ANO3: variants seen among roughly 807,000 people sequenced by gnomAD.
The protein encoded by ANO3 is anoctamin-3.
In ANO3, 99 loss-of-function variants were observed where a neutral mutation model predicts 144.8. The observed-to-expected ratio is 0.68, with a 90% CI of 0.58 to 0.81. The LOEUF (loss-of-function observed/expected upper bound fraction) is 0.81. ANO3 is among the 30% of genes least tolerant of loss of function. The probability of loss-of-function intolerance (pLI) is 0.00; values close to 1 mark genes in which losing one functional copy is unlikely to be tolerated. For missense variants in ANO3, 905 were observed against 1,202.2 expected (o/e 0.75, Z 3.66); for synonymous variants, 414 against 392.6 (o/e 1.05, Z -0.64).
At chr11:26,640,151 G>T (rs1035979751) in intron 21 of ANO3, among the ~76,000 whole-genome samples, 48 of 152,142 alleles carry the variant, frequency 3.2e-4, no homozygotes, top group Admixed American at 3.1e-3. Context: ...AGTATAGGCT[G>T]TGGAATTACC....
At chr11:26,631,783 A>T (rs1852788293) in intron 18 of ANO3, among the ~76,000 whole-genome samples, 1 of 152,226 alleles carries the variant, frequency 6.6e-6, no homozygotes, top group African/African-American at 2.4e-5. Context: ...TGTCAGTATA[A>T]TAATCATGAT....
Position 26,484,819 on chromosome 11 carries a change from TG to T in ANO3, c.432+21672del, listed in dbSNP as rs199519641. On this transcript the variant is annotated intron_variant, in intron 4 of 26. Coordinates refer to ENST00000256737, the MANE Select transcript of ANO3 (RefSeq NM_031418.4). ...CATATGCCCAAGGTCTTGGGAGCAC[TG>T]ATGAAAGCCAAGCCCTTTCATCAGT... 3.9e-3 allele frequency among the ~76,000 whole-genome samples: 592 copies of T among 152,322 alleles called. 4 individuals carry two copies. The highest frequency in any genetic ancestry group is 0.014 in the African/African-American group (562 of 41,576).
intron 1 of ANO3, among the ~76,000 whole-genome samples, chr11:26,223,184 C>T (rs112055766): frequency 1.3e-5 from 2 of 152,176 alleles, no homozygotes; most frequent in African/African-American, 4.8e-5. Context: ...AGCCATGCAA[C>T]ATCTTGAATT....
chr11:26,424,641 C>T (rs1270027214), intron 1 of ANO3, among the ~76,000 whole-genome samples: 1 of 151,992 alleles, frequency 6.6e-6, no homozygotes, highest in African/African-American at 2.4e-5. Context: ...TCAACCAGGG[C>T]TCGGAAATAG....
At chr11:26,523,817 G>C (rs1849086409) in intron 6 of ANO3, among the ~76,000 whole-genome samples, 1 of 152,042 alleles carries the variant, frequency 6.6e-6, no homozygotes, top group Admixed American at 6.5e-5. Context: ...CATCAATAAA[G>C]ACAGAGAGTA....
chr11:26,526,165 C>T (rs1203596414), intron 7 of ANO3, among the ~76,000 whole-genome samples: 2 of 152,034 alleles, frequency 1.3e-5, no homozygotes, highest in East Asian at 1.9e-4. Context: ...ATTCTAACCC[C>T]GGAAGGTACC....
At chr11:26,516,777 T>A in intron 5 of ANO3, 50 bp from the exon 6 acceptor site, 1 of 1,284,392 alleles carries the variant, frequency 7.8e-7, no homozygotes, top group South Asian at 1.3e-5. Context: ...TGGCATGATA[T>A]CATCAGCTCT....
chr11:26,262,604 T>C (rs1853214938), intron 1 of ANO3, among the ~76,000 whole-genome samples: 2 of 152,290 alleles, frequency 1.3e-5, no homozygotes, highest in South Asian at 2.1e-4. Context: ...AAACTTTATA[T>C]GTTGAAATCC....
chr11:26,661,434 C>T lies in ANO3; in HGVS notation c.*990C>T, dbSNP rs954503390. 1 of 152,494 alleles carries T rather than the reference C, an allele frequency of 6.6e-6. No homozygotes were observed. Among genetic ancestry groups the T allele is most frequent in the Non-Finnish European group, 1.5e-5 (1 of 68,006 alleles). 9.4% of individuals were successfully genotyped at this position (152,494 alleles called of 1,614,324 possible). A position where few individuals can be genotyped will look rare whatever the true frequency, so the allele number is the denominator to read the frequency against. On this transcript the variant is annotated 3_prime_UTR_variant, in exon 27 of 27. Transcript: ENST00000256737. ...TATGCAGCTCTGACACCAGTTTTTG[C>T]TATTGTAATATGTTTATTCGGGAAA... is the stretch of plus-strand genomic sequence containing the variant.
At chr11:26,441,735 T>C (rs1858528994) in intron 1 of ANO3, among the ~76,000 whole-genome samples, 183 bp from the exon 2 acceptor site, 1 of 152,170 alleles carries the variant, frequency 6.6e-6, no homozygotes, top group Non-Finnish European at 1.5e-5. Flanking sequence ...CAAAACTATT[T>C]AACAAAAATC....
chr11:26,552,697 A>T (rs775469876), intron 12 of ANO3, among the ~76,000 whole-genome samples: 4 of 151,942 alleles, frequency 2.6e-5, no homozygotes, highest in Admixed American at 2.0e-4. Flanking sequence ...CATAAATATA[A>T]ACTATGGCAT....
At chr11:26,535,544 A>G (rs1849484954) in intron 9 of ANO3, among the ~76,000 whole-genome samples, 1 of 149,818 alleles carries the variant, frequency 6.7e-6, no homozygotes, top group Non-Finnish European at 1.5e-5. Flanking sequence ...CTATATAGGT[A>G]AAATACACTA....
At chr11:26,350,077 G>T (rs879630990) in intron 1 of ANO3, among the ~76,000 whole-genome samples, 1 of 151,570 alleles carries the variant, frequency 6.6e-6, no homozygotes, top group Non-Finnish European at 1.5e-5. Context: ...AGACAGGAAC[G>T]GAAGGGGGAG....
At chr11:26,652,697 C>T (rs933330562) in intron 24 of ANO3, among the ~76,000 whole-genome samples, 2 of 152,184 alleles carry the variant, frequency 1.3e-5, no homozygotes, top group African/African-American at 4.8e-5. Flanking sequence ...ATCTTTATGT[C>T]TTTGCTCCCA....
chr11:26,534,577 T>A lies in ANO3; in HGVS notation c.976+15T>A. ...ATCAAAAGTGGGTAAGAACATTAAT[T>A]AATAACAGAGTAGAACTTGCTGTTA... On this transcript the variant is annotated intron_variant, in intron 9 of 26. Coordinates refer to ENST00000256737, the MANE Select transcript of ANO3 (RefSeq NM_031418.4). The A allele has an allele frequency of 6.5e-7, 1 of 1,549,124 alleles. No homozygotes were observed. The highest frequency in any genetic ancestry group is 8.9e-7 in the Non-Finnish European group (1 of 1,122,298).
chr11:26,613,792 A>C (rs1451647393), intron 17 of ANO3, among the ~76,000 whole-genome samples: 1 of 152,160 alleles, frequency 6.6e-6, no homozygotes, highest in Non-Finnish European at 1.5e-5. Flanking sequence ...TCTATGGTTG[A>C]CTATAAGGGC....
At chr11:26,644,950 A>G (rs948359754) in intron 23 of ANO3, among the ~76,000 whole-genome samples, 1 of 152,034 alleles carries the variant, frequency 6.6e-6, no homozygotes, top group African/African-American at 2.4e-5. Context: ...TTTATTTTGG[A>G]TAAGGTTTTA....
intron 1 of ANO3, among the ~76,000 whole-genome samples, chr11:26,300,381 C>G (rs57893515): frequency 0.062 from 9,448 of 152,168 alleles, 562 homozygotes; most frequent in African/African-American, 0.15. Flanking sequence ...CTCTCTCTCT[C>G]TCGACATTTG....
At chr11:26,504,460 C>G (rs183411356) in intron 4 of ANO3, among the ~76,000 whole-genome samples, 124 of 152,250 alleles carry the variant, frequency 8.1e-4, no homozygotes, top group African/African-American at 2.8e-3. Flanking sequence ...TAAAAAATTT[C>G]TTACCTTCGT....
Sources: gnomAD v4.1 joint callset for allele counts (sites outside exome capture counted in the v4.1 genomes callset) on GRCh38, gnomAD v4.1.1 for gene constraint, MANE v1.5 for transcripts, NCBI Gene and HGNC (gene_info 2026-07-23, HGNC 2026-07-21) for gene names.